Variants in SLC27A4 observed in about 807,000 individuals in gnomAD.
The protein encoded by SLC27A4 is solute carrier family 27 member 4, also known as long-chain fatty acid transport protein 4.
A neutral mutation model predicts 64.4 loss-of-function variants in SLC27A4; 33 were observed. The observed-to-expected ratio is 0.51, with a 90% CI of 0.39 to 0.68. The LOEUF (loss-of-function observed/expected upper bound fraction) is 0.68, where lower values mean the gene tolerates loss of function less well. Among genes scored for constraint, SLC27A4 ranks in the 30% least tolerant of loss-of-function variants. The pLI is 0.00. For synonymous variants in SLC27A4, 377 were observed against 370.0 expected, an observed-to-expected ratio of 1.02 and a Z score of -0.22; for missense variants, 824 against 883.5, an observed-to-expected ratio of 0.93 and a Z score of 0.85.
chr9:128,354,792 A>T (rs1832791215), intron 9 of SLC27A4, among the ~76,000 whole-genome samples: 1 of 69,596 alleles, frequency 1.4e-5, no homozygotes, highest in African/African-American at 3.0e-5. Context: ...ACTAAAAAAT[A>T]AAAAAAAAAA....
chr9:128,354,023 G>A (rs1362249165), intron 9 of SLC27A4, among the ~76,000 whole-genome samples: 2 of 151,908 alleles, frequency 1.3e-5, no homozygotes, highest in East Asian at 1.9e-4. Context: ...GATTACAGGC[G>A]TGAGCCACCG....
chr9:128,350,301 G>C lies in SLC27A4; in HGVS notation c.716-11G>C. On this transcript the variant is annotated splice_polypyrimidine_tract_variant and intron_variant, in intron 4 of 12. Coordinates refer to ENST00000300456, the MANE Select transcript of SLC27A4 (RefSeq NM_005094.4). ...CTGCCCCCGACAGCCACTCGCGTCT[G>C]TTTTCTTTAGATAAACTGTTCTACA... is the stretch of plus-strand genomic sequence containing the variant. 6.2e-7 allele frequency: 1 copy of C among 1,612,336 alleles called. No homozygotes were observed. Among genetic ancestry groups the C allele is most frequent in the Non-Finnish European group, 8.5e-7 (1 of 1,179,914 alleles).
At chr9:128,352,833 G>T in intron 7 of SLC27A4, 86 bp downstream of exon 7, 1 of 1,166,824 alleles carries the variant, frequency 8.6e-7, no homozygotes. Flanking sequence ...TCTTATAGCT[G>T]AGGTGGCCAG....
intron 4 of SLC27A4, 115 bp from the exon 5 acceptor site, chr9:128,350,197 C>A: frequency 1.2e-6 from 1 of 803,360 alleles, no homozygotes; most frequent in Non-Finnish European, 2.1e-6. Context: ...GGCTTCCTAG[C>A]AAGGGTGTGA....
In SLC27A4 at chr9:128,340,742, C is replaced by A; in HGVS notation, c.-103C>A. On this transcript the variant is annotated 5_prime_UTR_variant, in exon 1 of 13. Coordinates refer to ENST00000300456, the MANE Select transcript of SLC27A4 (RefSeq NM_005094.4). ...GGCTAAACCCTGCTGAGACCCGGCT[C>A]CGTGCGTCCAGGGGCGGCTAATGCC... 1.5e-6 allele frequency: 1 copy of A among 649,980 alleles called. No individual in the cohort carries two copies. Among genetic ancestry groups the A allele is most frequent in the Non-Finnish European group, 2.8e-6 (1 of 352,680 alleles). The allele number at this position is 649,980 out of a possible 1,614,324, so 40.3% of individuals were successfully genotyped here.
chr9:128,358,388 C>T (rs1007227178), intron 12 of SLC27A4, among the ~76,000 whole-genome samples: 2 of 152,116 alleles, frequency 1.3e-5, no homozygotes, highest in African/African-American at 2.4e-5. Context: ...GGCTGGACGC[C>T]GTGGCTCACG....
chr9:128,350,950 A>C (rs903633295), intron 6 of SLC27A4, among the ~76,000 whole-genome samples: 2 of 152,064 alleles, frequency 1.3e-5, no homozygotes, highest in Admixed American at 1.3e-4. Flanking sequence ...AAAATTAGCC[A>C]GGTGTGGTGG....
chr9:128,345,082 G>T lies in SLC27A4; in HGVS notation c.162-73G>T. On this transcript the variant is annotated intron_variant, in intron 2 of 12. Transcript: ENST00000300456. This position sits in a 1 kb window ranked among gnomAD's most constrained non-coding sequence, Gnocchi z 4.1. ...TGAAGCATAGGCTGGCGAGGCAGCAGCCTGGGGTAGGGTGTCAGGACCCCT... is the reference window on the plus strand; with the variant it reads ...TGAAGCATAGGCTGGCGAGGCAGCATCCTGGGGTAGGGTGTCAGGACCCCT... 6.3e-7 allele frequency: 1 copy of T among 1,593,836 alleles called. No homozygotes were observed.
chr9:128,354,927 T>C, intron 9 of SLC27A4, 126 bp from the exon 10 acceptor site: 1 of 1,045,870 alleles, frequency 9.6e-7, no homozygotes, highest in Non-Finnish European at 1.3e-6. Context: ...CACTCCAGCC[T>C]GGGCAACAAG....
chr9:128,341,824 C>T (rs7038847), intron 1 of SLC27A4, among the ~76,000 whole-genome samples: 3,529 of 152,244 alleles, frequency 0.023, 140 homozygotes, highest in African/African-American at 0.08. Flanking sequence ...ATGGAACCTC[C>T]GCCTCCCGGG....
In SLC27A4 at chr9:128,345,087, G is replaced by A; in HGVS notation, c.162-68G>A. Reference sequence around the variant, plus strand: ...CATAGGCTGGCGAGGCAGCAGCCTGGGGTAGGGTGTCAGGACCCCTCCCTC... The same window carrying A: ...CATAGGCTGGCGAGGCAGCAGCCTGAGGTAGGGTGTCAGGACCCCTCCCTC... On this transcript the variant is annotated intron_variant, in intron 2 of 12. Coordinates refer to ENST00000300456, the MANE Select transcript of SLC27A4 (RefSeq NM_005094.4). The surrounding 1 kb of genome is among the most constrained non-coding windows in gnomAD (Gnocchi z 4.1). 6.3e-7 allele frequency: 1 copy of A among 1,595,886 alleles called. No individual in the cohort carries two copies. The highest frequency in any genetic ancestry group is 1.3e-5 in the African/African-American group (1 of 74,778).
At chr9:128,347,710 T>TAA (rs548281175) in intron 3 of SLC27A4, among the ~76,000 whole-genome samples, 67 of 103,290 alleles carry the variant, frequency 6.5e-4, no homozygotes, top group African/African-American at 1.8e-3. Context: ...AACTCTGTCT[T>TAA]AAAAAAAAAA....
chr9:128,360,491 A>T lies in SLC27A4; in HGVS notation c.1932A>T (p.Ter644CysextTer6). 6.2e-7 allele frequency: 1 copy of T among 1,613,692 alleles called. No individual in the cohort carries two copies. The highest frequency in any genetic ancestry group is 8.5e-7 in the Non-Finnish European group (1 of 1,179,992). ...SRIQAGEEKL[*>C] is the part of the protein sequence containing the mutation. ...TCCAGGCAGGCGAGGAGAAGCTGTG[A>T]TTCCCCCCATCCCTCTGAGGGCCGG... Residue 644 changes from the stop codon to cysteine, a stop_lost, in exon 13 of 13, where the codon TGA (stop) becomes TGT (cysteine). Transcript: ENST00000300456.
intron 4 of SLC27A4, 54 bp from the exon 5 acceptor site, chr9:128,350,258 C>T (rs1832712416): frequency 6.7e-7 from 1 of 1,500,428 alleles, no homozygotes; most frequent in Non-Finnish European, 9.3e-7. Flanking sequence ...TTTGTGTGAC[C>T]CTTTGCCCAG....
chr9:128,348,166 G>T (rs564536291), intron 3 of SLC27A4, among the ~76,000 whole-genome samples: 5 of 152,248 alleles, frequency 3.3e-5, no homozygotes, highest in African/African-American at 1.2e-4. Context: ...AGTAGTGCGG[G>T]ATAGTGGGGG....
At chr9:128,344,413 G>A (rs1832622315) in intron 2 of SLC27A4, among the ~76,000 whole-genome samples, 1 of 152,130 alleles carries the variant, frequency 6.6e-6, no homozygotes, top group Non-Finnish European at 1.5e-5. Context: ...CAGCTACTTG[G>A]GAGGCTGAGG....
chr9:128,353,508 G>T lies in SLC27A4; in HGVS notation c.1291G>T (p.Gly431Trp), dbSNP rs775848072. ...VNEDTMELIR[G>W]PDGVCIPCQP... ...CGAGGACACCATGGAGCTGATCCGGGGGCCCGACGGCGTCTGCATTCCCTG... is the reference window on the plus strand; with the variant it reads ...CGAGGACACCATGGAGCTGATCCGGTGGCCCGACGGCGTCTGCATTCCCTG... Residue 431 changes from glycine to tryptophan, a missense_variant, in exon 9 of 13, where the codon GGG becomes TGG. Transcript: ENST00000300456. This position sits in a 1 kb window ranked among gnomAD's most constrained non-coding sequence, Gnocchi z 4.9. The T allele has an allele frequency of 5.6e-6, 9 of 1,614,134 alleles. No individual in the cohort carries two copies. In the South Asian group the frequency reaches 9.9e-5, roughly 18 times the overall value.
At position 128,353,757 on chromosome 9, in the gene SLC27A4, T is replaced by TA. The variant is rs1221191828; in HGVS notation, c.1324+217dup. Among the ~76,000 whole-genome samples, 10 of 150,326 alleles carry TA rather than the reference T, an allele frequency of 6.7e-5. No homozygotes were observed. The East Asian group carries it at 1.4e-3, about 20-fold the overall frequency. ...ATTCATTCATTCTTTTTTTTTTTTT[T>TA]ATTTGAGACGGAGTCTCGCTCTGTC... On this transcript the variant is annotated intron_variant, in intron 9 of 12. Transcript: ENST00000300456. The surrounding 1 kb of genome is among the most constrained non-coding windows in gnomAD (Gnocchi z 4.9).
intron 6 of SLC27A4, among the ~76,000 whole-genome samples, chr9:128,352,194 CAAA>C (rs71495688): frequency 5.4e-5 from 5 of 92,458 alleles, no homozygotes; most frequent in Non-Finnish European, 4.7e-5. Flanking sequence ...GACTCCGTCT[CAAA>C]AAAAAAAAAA....
Sources: allele counts gnomAD v4.1 joint callset (sites outside exome capture counted in the v4.1 genomes callset), GRCh38; gene constraint gnomAD v4.1.1; non-coding constraint Gnocchi (gnomAD v3.1); transcripts MANE v1.5; gene names NCBI Gene and HGNC (gene_info 2026-07-23, HGNC 2026-07-21).